The following ADGRL3 variants were observed in gnomAD, a reference collection of about 807,000 sequenced individuals.
ADGRL3 encodes the protein calcium-independent alpha-latrotoxin receptor 3.
ADGRL3 carries 62 observed loss-of-function variants against 153.5 expected under a neutral mutation model. That is an observed-to-expected ratio of 0.40 (90% confidence interval 0.33 to 0.50). The LOEUF (loss-of-function observed/expected upper bound fraction) is 0.50. Among genes scored for constraint, ADGRL3 ranks in the 20% least tolerant of loss-of-function variants. ADGRL3 has a pLI of 0.47. For missense variants in ADGRL3, 1,641 were observed against 1,859.4 expected, an observed-to-expected ratio of 0.88 and a Z score of 2.16; for synonymous variants, 710 against 672.5, an observed-to-expected ratio of 1.06 and a Z score of -0.86.
At chr4:61,438,631 A>G (rs891324316) in intron 2 of ADGRL3, among the ~76,000 whole-genome samples, 4 of 151,810 alleles carry the variant, frequency 2.6e-5, no homozygotes, top group African/African-American at 9.7e-5. Context: ...CTGGAAGTTG[A>G]TAAGTGTTAA....
chr4:61,576,986 A>G (rs1050340472), intron 4 of ADGRL3, among the ~76,000 whole-genome samples: 3 of 152,020 alleles, frequency 2.0e-5, no homozygotes, highest in Non-Finnish European at 4.4e-5. Context: ...ATGTTTTTCA[A>G]TGTTGAAGGT....
At chr4:61,997,025 G>A (rs1376943065) in intron 20 of ADGRL3, among the ~76,000 whole-genome samples, 2 of 151,962 alleles carry the variant, frequency 1.3e-5, no homozygotes, top group Non-Finnish European at 2.9e-5. Context: ...TATTGACTTT[G>A]GATAAATATA....
chr4:61,952,247 C>A (rs888024060), intron 17 of ADGRL3, among the ~76,000 whole-genome samples: 1 of 151,926 alleles, frequency 6.6e-6, no homozygotes, highest in Non-Finnish European at 1.5e-5. Flanking sequence ...GAGGCTGAGG[C>A]GGGCAGATCA....
chr4:61,558,930 C>T (rs1184730904), intron 4 of ADGRL3, among the ~76,000 whole-genome samples: 3 of 152,056 alleles, frequency 2.0e-5, no homozygotes, highest in African/African-American at 7.2e-5. Context: ...CTTCCTAAGT[C>T]GTTTTTTTCC....
intron 1 of ADGRL3, among the ~76,000 whole-genome samples, chr4:61,216,020 A>G (rs1164799077): frequency 1.3e-5 from 2 of 152,092 alleles, no homozygotes; most frequent in African/African-American, 2.4e-5. Flanking sequence ...TATCCATGGG[A>G]TAAAATAAAA....
At chr4:61,939,485 T>C (rs921890311) in intron 15 of ADGRL3, among the ~76,000 whole-genome samples, 4 of 151,946 alleles carry the variant, frequency 2.6e-5, no homozygotes, top group East Asian at 3.9e-4. Context: ...CTTTTTTTTT[T>C]TTGAGACGGA....
intron 1 of ADGRL3, among the ~76,000 whole-genome samples, chr4:61,337,244 G>T (rs2095698032): frequency 6.6e-6 from 1 of 152,248 alleles, no homozygotes; most frequent in South Asian, 2.1e-4. Flanking sequence ...TACCTTGTCT[G>T]ATCTGTTTTG....
At chr4:61,895,330 G>T (rs981111708) in intron 10 of ADGRL3, among the ~76,000 whole-genome samples, 5 of 152,132 alleles carry the variant, frequency 3.3e-5, no homozygotes, top group African/African-American at 1.2e-4. Flanking sequence ...GCCGGGTGTG[G>T]TGGGGGATGC....
chr4:61,615,545 TGA>T (rs1244555971), intron 5 of ADGRL3, among the ~76,000 whole-genome samples: 1 of 151,100 alleles, frequency 6.6e-6, no homozygotes, highest in Non-Finnish European at 1.5e-5. Context: ...AACAGAAGTG[TGA>T]GAAAGAATTT....
intron 2 of ADGRL3, among the ~76,000 whole-genome samples, chr4:61,476,517 C>A (rs1400330346): frequency 6.6e-6 from 1 of 151,756 alleles, no homozygotes; most frequent in African/African-American, 2.4e-5. Context: ...ACCAGCCTGA[C>A]CAACATGGAG....
At chr4:61,869,970 GAGAGAA>G (rs1331954465) in intron 9 of ADGRL3, among the ~76,000 whole-genome samples, 57 of 63,232 alleles carry the variant, frequency 9.0e-4, no homozygotes, top group African/African-American at 2.7e-3. Flanking sequence ...AAGAGAGAGA[GAGAGAA>G]AGAGAGAGAG....
In ADGRL3 at chr4:61,460,196, T is replaced by C. The variant is rs554262689; in HGVS notation, c.-173-36925T>C. ...TTTCCCCTATGTTTTCATCTAGTAA[T>C]TTTATAGTTTTGGATCTTACATTTA... is the stretch of plus-strand genomic sequence containing the variant. On this transcript the variant is annotated intron_variant, in intron 2 of 26. Coordinates refer to ENST00000683033, the MANE Select transcript of ADGRL3 (RefSeq NM_001387552.1). 3.3e-5 allele frequency among the ~76,000 whole-genome samples: 5 copies of C among 152,248 alleles called. No homozygotes were observed. The South Asian group carries it at 1.0e-3, about 32-fold the overall frequency.
intron 8 of ADGRL3, among the ~76,000 whole-genome samples, chr4:61,762,036 G>A (rs1351632103): frequency 6.6e-6 from 1 of 152,212 alleles, no homozygotes; most frequent in African/African-American, 2.4e-5. Flanking sequence ...TGAAGATAGA[G>A]CAATTTTGGC....
intron 6 of ADGRL3, among the ~76,000 whole-genome samples, chr4:61,690,613 A>T (rs2095523085): frequency 1.3e-5 from 2 of 152,144 alleles, no homozygotes; most frequent in Non-Finnish European, 2.9e-5. Flanking sequence ...TTGATGTTAC[A>T]TTTAACAAGG....
intron 18 of ADGRL3, among the ~76,000 whole-genome samples, chr4:61,982,874 A>AT (rs2099073260): frequency 1.3e-5 from 2 of 152,280 alleles, no homozygotes; most frequent in East Asian, 3.9e-4. Flanking sequence ...CTAATAATTA[A>AT]TTTCATCATG....
intron 21 of ADGRL3, among the ~76,000 whole-genome samples, chr4:62,020,784 C>T (rs542734139): frequency 1.1e-4 from 17 of 151,970 alleles, no homozygotes; most frequent in Admixed American, 2.0e-4. Context: ...AGAACATTGC[C>T]GTCATATAGT....
At chr4:61,811,306 A>C (rs1051031461) in intron 8 of ADGRL3, among the ~76,000 whole-genome samples, 1 of 152,034 alleles carries the variant, frequency 6.6e-6, no homozygotes, top group African/African-American at 2.4e-5. Context: ...AAAAAGGAGT[A>C]AAGTACTGCT....
chr4:61,579,330 A>G (rs1238687667), intron 4 of ADGRL3, among the ~76,000 whole-genome samples: 1 of 152,110 alleles, frequency 6.6e-6, no homozygotes, highest in Non-Finnish European at 1.5e-5. Context: ...CTTACTCTTA[A>G]GAACATGTTA....
At chr4:61,554,677 C>A (rs1560832185) in intron 4 of ADGRL3, among the ~76,000 whole-genome samples, 1 of 152,264 alleles carries the variant, frequency 6.6e-6, no homozygotes, top group East Asian at 1.9e-4. Flanking sequence ...TACAACATTC[C>A]TATACTTTAA....
Sources: allele counts gnomAD v4.1 joint callset (sites outside exome capture counted in the v4.1 genomes callset), GRCh38; gene constraint gnomAD v4.1.1; transcripts MANE v1.5; gene names NCBI Gene and HGNC (gene_info 2026-07-23, HGNC 2026-07-21).